Variants in HAUS8 observed in about 807,000 individuals in gnomAD.
The protein encoded by HAUS8 is HAUS augmin like complex subunit 8.
Under a neutral mutation model 42.9 loss-of-function variants are expected in HAUS8, and 38 were observed. The ratio of observed to expected loss-of-function variants is 0.89; its 90% CI spans 0.68 to 1.16. HAUS8 has a LOEUF of 1.16. Among genes scored for constraint, HAUS8 ranks in the 50% most tolerant of loss-of-function variants. HAUS8 has a pLI of 0.00. For missense variants in HAUS8, 494 were observed against 511.6 expected (o/e 0.97, Z 0.33); for synonymous variants, 199 against 205.8 (o/e 0.97, Z 0.28).
At position 17,049,873 on chromosome 19, in the gene HAUS8, T is replaced by G; in HGVS notation, c.1233A>C (p.Ter411CysextTer37). 6.8e-7 allele frequency: 1 copy of G among 1,478,868 alleles called. No individual in the cohort carries two copies. Among genetic ancestry groups the G allele is most frequent in the South Asian group, 1.5e-5 (1 of 68,430 alleles). The allele number at this position is 1,478,868 out of a possible 1,614,324, so 91.6% of individuals were successfully genotyped here. ...SLSRSGRDLS[*>C] is the part of the protein sequence containing the mutation. ...CAAGTATCCTGAATGTAACCATGAG[T>G]CATGACAAGTCCCTCCCTGAACGAG... Residue 411 changes from the stop codon to cysteine (C), a stop_lost, in exon 11 of 11, where the codon TGA becomes TGC. Transcript: ENST00000253669.
intron 10 of HAUS8, chr19:17,052,487 G>GGGA (rs10694067): frequency 0.3 from 59,397 of 200,488 alleles, 9,450 homozygotes; most frequent in African/African-American, 0.4. Context: ...AGGCTGAGGT[G>GGGA]GGATCACTTG....
At position 17,058,716 on chromosome 19, in the gene HAUS8, T is replaced by A. The variant is rs1441998012; in HGVS notation, c.487-9A>T. On this transcript the variant is annotated splice_polypyrimidine_tract_variant and intron_variant, in intron 7 of 10. Transcript: ENST00000253669. ...GCAAGATTGTTCTCCATCTGTTAAA[T>A]GTGAAAGAAAAGCTCAAGCAGGTGG... 10 of 1,604,024 alleles carry A rather than the reference T, an allele frequency of 6.2e-6. No individual in the cohort carries two copies. The highest frequency in any genetic ancestry group is 1.3e-5 in the African/African-American group (1 of 74,170).
In HAUS8 at chr19:17,062,076, T is replaced by C. The variant is rs190011972; in HGVS notation, c.229+622A>G. ...ACACAGCTATACCTGTTCCTCTATG[T>C]CTGGTCTGGGGTTGTTTTTAATGTT... On this transcript the variant is annotated intron_variant, in intron 4 of 10. Coordinates refer to ENST00000253669, the MANE Select transcript of HAUS8 (RefSeq NM_033417.2). 1.6e-4 allele frequency among the ~76,000 whole-genome samples: 24 copies of C among 152,362 alleles called. No homozygotes were observed. In the East Asian group the frequency reaches 4.6e-3, roughly 29 times the overall value.
chr19:17,056,060 CA>C, intron 8 of HAUS8, 58 bp from the exon 9 acceptor site: 1 of 1,556,196 alleles, frequency 6.4e-7, no homozygotes, highest in Non-Finnish European at 8.8e-7. Context: ...GGAAACTTAA[CA>C]GAAGCTTAAC....
At chr19:17,070,586 A>G (rs1239511830) in intron 2 of HAUS8, among the ~76,000 whole-genome samples, 2 of 152,182 alleles carry the variant, frequency 1.3e-5, no homozygotes, top group African/African-American at 4.8e-5. Flanking sequence ...TTCAGACCAC[A>G]GCACACTTGT....
intron 8 of HAUS8, 57 bp downstream of exon 8, chr19:17,058,492 G>T: frequency 1.3e-6 from 2 of 1,495,394 alleles, no homozygotes; most frequent in Non-Finnish European, 1.8e-6. Flanking sequence ...AAACAGTGGA[G>T]ATGGGACAGA....
At chr19:17,071,687 G>C (rs2057425186) in intron 2 of HAUS8, among the ~76,000 whole-genome samples, 1 of 152,128 alleles carries the variant, frequency 6.6e-6, no homozygotes. Context: ...CTGAAAACTA[G>C]GATACAACTG....
intron 9 of HAUS8, among the ~76,000 whole-genome samples, chr19:17,055,339 CAAAAAA>C (rs11315045): frequency 4.0e-5 from 2 of 49,494 alleles, no homozygotes; most frequent in African/African-American, 9.2e-5. Flanking sequence ...GATGCTGTCT[CAAAAAA>C]AAAAAAAAAA....
chr19:17,054,342 G>A (rs1315488593), intron 9 of HAUS8, among the ~76,000 whole-genome samples: 3 of 152,106 alleles, frequency 2.0e-5, no homozygotes, highest in Non-Finnish European at 4.4e-5. Flanking sequence ...CAGATGTGGA[G>A]GTGACCGCAG....
chr19:17,050,932 C>T (rs1048841037), intron 10 of HAUS8, among the ~76,000 whole-genome samples: 2 of 151,794 alleles, frequency 1.3e-5, no homozygotes, highest in South Asian at 2.1e-4. Flanking sequence ...CAGTGGTGCA[C>T]GCCTGTAGTC....
chr19:17,075,517 A>T, upstream of HAUS8: 2 of 1,401,292 alleles, frequency 1.4e-6, no homozygotes, highest in Non-Finnish European at 1.0e-6. Context: ...GAGACGCAGG[A>T]GGGGTGGCTG....
At position 17,071,250 on chromosome 19, in the gene HAUS8, G is replaced by A. The variant is rs116368801; in HGVS notation, c.91+2024C>T. Among the ~76,000 whole-genome samples, 218 of 152,256 alleles carry A rather than the reference G, an allele frequency of 1.4e-3. 1 individual carries two copies. Among genetic ancestry groups the A allele is most frequent in the African/African-American group, 5.2e-3 (215 of 41,536 alleles). ...AGTTGATTCTTCTGTTGGGGACTGGGGTTGCAGCTGCTACCCTGAGAGGAA... is the reference window on the plus strand; with the variant it reads ...AGTTGATTCTTCTGTTGGGGACTGGAGTTGCAGCTGCTACCCTGAGAGGAA... On this transcript the variant is annotated intron_variant, in intron 2 of 10. Coordinates refer to ENST00000253669, the MANE Select transcript of HAUS8 (RefSeq NM_033417.2).
chr19:17,075,114 C>G (rs573257619), intron 1 of HAUS8: 5 of 527,380 alleles, frequency 9.5e-6, no homozygotes, highest in Non-Finnish European at 3.4e-6. Context: ...TCATCGGCCC[C>G]ATTTCGTAGC....
intron 2 of HAUS8, among the ~76,000 whole-genome samples, chr19:17,069,660 A>C (rs2057409489): frequency 6.6e-6 from 1 of 151,862 alleles, no homozygotes. Context: ...CTGTGGATGG[A>C]ACAAATGCCA....
chr19:17,056,132 A>C, intron 8 of HAUS8, 130 bp from the exon 9 acceptor site: 1 of 914,262 alleles, frequency 1.1e-6, no homozygotes, highest in Admixed American at 2.1e-5. Context: ...ATCAGAGCTC[A>C]GGAAGTTTCC....
At chr19:17,066,930 C>T (rs1214042005) in intron 3 of HAUS8, among the ~76,000 whole-genome samples, 1 of 152,286 alleles carries the variant, frequency 6.6e-6, no homozygotes, top group South Asian at 2.1e-4. Context: ...CCAGGCCGGG[C>T]ATGGCGGCTC....
intron 9 of HAUS8, chr19:17,055,134 AAAAAAAAAAATATATATATATATATATAT>A (rs1231413870): frequency 2.3e-4 from 9 of 39,036 alleles, no homozygotes; most frequent in African/African-American, 9.6e-4. Context: ...AAAAAAAAAA[AAAAAAAAAAATATATATATATATATATAT>A]ATATATATAT....
chr19:17,074,218 T>C (rs987600938), intron 1 of HAUS8: 7 of 152,486 alleles, frequency 4.6e-5, no homozygotes, highest in Non-Finnish European at 2.9e-5. Flanking sequence ...GAGGGGCAAG[T>C]GGATGGGCAA....
In HAUS8 at chr19:17,049,837, T is replaced by C; in HGVS notation, c.*36A>G. The C allele has an allele frequency of 1.4e-6, 2 of 1,402,722 alleles. No homozygotes were observed. The highest frequency in any genetic ancestry group is 1.5e-5 in the African/African-American group (1 of 68,298). The allele number at this position is 1,402,722 out of a possible 1,614,324, so 86.9% of individuals were successfully genotyped here. ...AAATAGCTACAGTGCTACGGTAGTATATAAAGTGCTCAAGTATCCTGAATG... is the reference window on the plus strand; with the variant it reads ...AAATAGCTACAGTGCTACGGTAGTACATAAAGTGCTCAAGTATCCTGAATG... On this transcript the variant is annotated 3_prime_UTR_variant, in exon 11 of 11. Transcript: ENST00000253669.
Sources: gnomAD v4.1 joint callset for allele counts (sites outside exome capture counted in the v4.1 genomes callset) on GRCh38, gnomAD v4.1.1 for gene constraint, MANE v1.5 for transcripts, NCBI Gene and HGNC (gene_info 2026-07-23, HGNC 2026-07-21) for gene names.